EHD1: variants seen among roughly 807,000 people sequenced by gnomAD.
EHD1 encodes EH domain-containing protein 1.
In EHD1, 19 loss-of-function variants were observed where a neutral mutation model predicts 39.0. The observed-to-expected ratio is 0.49, with a 90% CI of 0.34 to 0.72. The LOEUF (loss-of-function observed/expected upper bound fraction) is 0.72. Among genes scored for constraint, EHD1 ranks in the 30% least tolerant of loss-of-function variants. The pLI is 0.01. For synonymous variants in EHD1, 323 were observed against 331.2 expected (o/e 0.98, Z 0.27); for missense variants, 542 against 751.5 (o/e 0.72, Z 3.26).
chr11:64,877,881 AC>A (rs1943902070), intron 1 of EHD1, 179 bp downstream of exon 1: 3 of 533,950 alleles, frequency 5.6e-6, no homozygotes, highest in Admixed American at 4.0e-5. Flanking sequence ...CCACTCTTAG[AC>A]CCCCAGTGGG....
At chr11:64,855,273 T>C in intron 4 of EHD1, 49 bp downstream of exon 4, 1 of 1,599,750 alleles carries the variant, frequency 6.3e-7, no homozygotes, top group Non-Finnish European at 8.5e-7. Flanking sequence ...TGGGCCTTCC[T>C]TCTGCCCTGA....
At chr11:64,879,563 A>G, upstream of EHD1, 4 of 1,549,356 alleles carry the variant, frequency 2.6e-6, no homozygotes. Flanking sequence ...TCTCGGGGTC[A>G]CCACCATTTA....
intron 2 of EHD1, 112 bp downstream of exon 2, chr11:64,874,309 A>AG (rs1357145322): frequency 4.9e-6 from 5 of 1,025,802 alleles, no homozygotes; most frequent in Middle Eastern, 2.2e-4. Context: ...GTCAAAAAAA[A>AG]AAAAAAAAAA....
At chr11:64,865,004 T>C (rs1020673377) in intron 2 of EHD1, among the ~76,000 whole-genome samples, 1 of 152,256 alleles carries the variant, frequency 6.6e-6, no homozygotes, top group Non-Finnish European at 1.5e-5. Flanking sequence ...CTGCCCCACC[T>C]GCTCTGAAAC....
chr11:64,859,784 T>C (rs942455389), intron 3 of EHD1, 140 bp downstream of exon 3: 2 of 1,236,734 alleles, frequency 1.6e-6, no homozygotes, highest in Middle Eastern at 2.9e-4. Context: ...CTGGTTTCTA[T>C]AGAGGGAAAC....
At chr11:64,858,200 G>C (rs1370157628) in intron 3 of EHD1, among the ~76,000 whole-genome samples, 1 of 30,984 alleles carries the variant, frequency 3.2e-5, no homozygotes, top group Non-Finnish European at 1.0e-4. Flanking sequence ...CTTTTTTTTT[G>C]AGACAGAGTC....
chr11:64,865,614 C>T (rs2136488369), intron 2 of EHD1, among the ~76,000 whole-genome samples: 1 of 152,288 alleles, frequency 6.6e-6, no homozygotes, highest in Non-Finnish European at 1.5e-5. Context: ...AAGCCAGAGC[C>T]CCCTCTGATA....
At chr11:64,874,690 G>A (rs768842488) in intron 1 of EHD1, among the ~76,000 whole-genome samples, 172 bp from the exon 2 acceptor site, 3 of 152,206 alleles carry the variant, frequency 2.0e-5, no homozygotes, top group African/African-American at 7.2e-5. Context: ...CCGGCAAATC[G>A]TATGGACTTT....
At chr11:64,863,897 C>G (rs970967751) in intron 2 of EHD1, among the ~76,000 whole-genome samples, 12 of 152,262 alleles carry the variant, frequency 7.9e-5, no homozygotes, top group African/African-American at 2.9e-4. Context: ...TGTGGGAGCA[C>G]TGGGCCTCCA....
At chr11:64,875,219 G>C (rs1231296217) in intron 1 of EHD1, among the ~76,000 whole-genome samples, 1 of 152,182 alleles carries the variant, frequency 6.6e-6, no homozygotes, top group Non-Finnish European at 1.5e-5. Flanking sequence ...GTTGAGAGCA[G>C]GGATCCTTCA....
chr11:64,878,754 GC>G (rs764301178), upstream of EHD1: 5 of 1,296,454 alleles, frequency 3.9e-6, no homozygotes, highest in African/African-American at 1.6e-5. Context: ...TCCGACTGGT[GC>G]CACGTCTTCC....
At position 64,855,310 on chromosome 11, in the gene EHD1, G is replaced by A. The variant is rs775816931; in HGVS notation, c.1080+12C>T. On this transcript the variant is annotated intron_variant, in intron 4 of 4. Transcript: ENST00000320631. ...GGCCACCAGCCTGCATGGGGCCTCG[G>A]GACAGCCGTACCTGCATCTTGCGGA... 20 of 1,612,320 alleles carry A rather than the reference G, an allele frequency of 1.2e-5. No homozygotes were observed.
chr11:64,864,763 T>A (rs1029914188), intron 2 of EHD1, among the ~76,000 whole-genome samples: 1 of 152,142 alleles, frequency 6.6e-6, no homozygotes, highest in Non-Finnish European at 1.5e-5. Context: ...AAAACCGAGT[T>A]CTTGGGAATG....
intron 3 of EHD1, among the ~76,000 whole-genome samples, chr11:64,859,296 G>A (rs1480628956): frequency 6.6e-6 from 1 of 152,196 alleles, no homozygotes; most frequent in Admixed American, 6.5e-5. Flanking sequence ...GAGGTGGGCA[G>A]ATCACCTGAG....
In EHD1 at chr11:64,854,362, C is replaced by A. The variant is rs772535208; in HGVS notation, c.1576G>T (p.Val526Leu). The A allele has an allele frequency of 5.6e-5, 90 of 1,611,628 alleles. No individual in the cohort carries two copies. Among genetic ancestry groups the A allele is most frequent in the Middle Eastern group, 3.3e-4 (2 of 6,082 alleles). Residue 526 changes from valine (V) to leucine (L), a missense_variant, in exon 5 of 5, where the codon GTG becomes TTG. Val to Leu is a conservative substitution (Grantham distance 32, BLOSUM62 1). Transcript: ENST00000320631. ...TCATGTCTGCGCTTGGAGGGCGGCA[C>A]CAGGTGCGGGGGCAGGTCGGCGGGC... is the stretch of plus-strand genomic sequence containing the variant. ...ELPADLPPHL[V>L]PPSKRRHE is the part of the protein sequence containing the mutation.
rs1391275727 is a variant in EHD1 at position 64,855,583 on chromosome 11, GC to G, written c.916-98del. On this transcript the variant is annotated intron_variant, in intron 3 of 4. Transcript: ENST00000320631. ...ACTCCAAGGATACTCCAAGGTGCTC[GC>G]TCAGGAACAGGGAAGCAGGAGGGAT... The G allele has an allele frequency of 1.3e-5, 21 of 1,555,668 alleles. No individual in the cohort carries two copies. The African/African-American group carries it at 2.9e-4, about 22-fold the overall frequency.
In EHD1 at chr11:64,878,233, G is replaced by A. The variant is rs990876560; in HGVS notation, c.232C>T (p.Leu78=). 2.5e-6 allele frequency: 4 copies of A among 1,613,928 alleles called. No individual in the cohort carries two copies. The Admixed American group carries it at 5.0e-5, about 20-fold the overall frequency. The change falls in exon 1 of 5, where the codon CTG becomes TTG. Residue 78 remains leucine, a synonymous_variant. Coordinates refer to ENST00000320631, the MANE Select transcript of EHD1 (RefSeq NM_006795.4). ...STGKTTFIRH[L]IEQDFPGMRI... Reference sequence around the variant, plus strand: ...ATCCCCGGGAAGTCCTGCTCGATCAGGTGTCGGATGAAGGTGGTCTTGCCC... The same window carrying A: ...ATCCCCGGGAAGTCCTGCTCGATCAAGTGTCGGATGAAGGTGGTCTTGCCC...
At chr11:64,877,951 G>A (rs182985774) in intron 1 of EHD1, 110 bp downstream of exon 1, 7 of 1,183,378 alleles carry the variant, frequency 5.9e-6, no homozygotes, top group African/African-American at 3.1e-5. Flanking sequence ...GGGTCTCACT[G>A]GGGCCTCGGA....
At chr11:64,871,026 T>C (rs1483702734) in intron 2 of EHD1, among the ~76,000 whole-genome samples, 1 of 152,070 alleles carries the variant, frequency 6.6e-6, no homozygotes, top group Non-Finnish European at 1.5e-5. Context: ...GCCCACCTTA[T>C]CTTTTCAGAC....
Sources: gnomAD v4.1 joint callset for allele counts (sites outside exome capture counted in the v4.1 genomes callset) on GRCh38, gnomAD v4.1.1 for gene constraint, MANE v1.5 for transcripts, NCBI Gene and HGNC (gene_info 2026-07-23, HGNC 2026-07-21) for gene names.